The following SGK1 variants were observed in gnomAD, a reference collection of about 807,000 sequenced individuals.
SGK1 encodes the protein serum/glucocorticoid regulated kinase 1, also known as serine/threonine-protein kinase Sgk1.
In SGK1, 26 loss-of-function variants were observed where a neutral mutation model predicts 64.2. That is an observed-to-expected ratio of 0.40 (90% CI 0.30 to 0.56). SGK1 has a LOEUF of 0.56. Among genes scored for constraint, SGK1 ranks in the 20% least tolerant of loss-of-function variants. SGK1 has a pLI of 0.38. For synonymous variants in SGK1, 265 were observed against 239.7 expected, an observed-to-expected ratio of 1.11 and a Z score of -0.98; for missense variants, 519 against 645.6, an observed-to-expected ratio of 0.80 and a Z score of 2.12.
At chr6:134,179,455 T>C (rs892099486) in intron 3 of SGK1, among the ~76,000 whole-genome samples, 2 of 150,154 alleles carry the variant, frequency 1.3e-5, no homozygotes, top group African/African-American at 4.9e-5. Flanking sequence ...AGAAACTGAA[T>C]GGATCAGTTT....
intron 1 of SGK1, among the ~76,000 whole-genome samples, chr6:134,272,295 C>T (rs1312917102): frequency 7.8e-5 from 11 of 141,120 alleles, no homozygotes; most frequent in African/African-American, 2.5e-4. Context: ...TGTGCACCAC[C>T]ATGACCAGCT....
intron 3 of SGK1, among the ~76,000 whole-genome samples, chr6:134,178,690 C>A (rs897929310): frequency 6.6e-6 from 1 of 152,210 alleles, no homozygotes; most frequent in African/African-American, 2.4e-5. Context: ...GCTCCATATA[C>A]GCGTATACGC....
intron 3 of SGK1, among the ~76,000 whole-genome samples, chr6:134,194,201 G>A (rs138421773): frequency 4.0e-5 from 6 of 150,956 alleles, no homozygotes; most frequent in Non-Finnish European, 7.4e-5. Flanking sequence ...ATGTTATAAC[G>A]ACATGCTATA....
intron 2 of SGK1, among the ~76,000 whole-genome samples, chr6:134,246,804 G>A (rs1425636638): frequency 6.6e-6 from 1 of 152,036 alleles, no homozygotes; most frequent in Non-Finnish European, 1.5e-5. Context: ...TGTTGGCTAG[G>A]CTGGTCTCAA....
Position 134,244,593 on chromosome 6 carries a change from C to T in SGK1, c.285+17340G>A, listed in dbSNP as rs139712016. Among the ~76,000 whole-genome samples, 149 of 152,244 alleles carry T rather than the reference C, an allele frequency of 9.8e-4. 3 individuals carry two copies. The highest frequency in any genetic ancestry group is 3.2e-3 in the African/African-American group (135 of 41,552). On this transcript the variant is annotated intron_variant, in intron 2 of 13. Coordinates refer to ENST00000367858, the MANE Select transcript of SGK1 (RefSeq NM_001143676.3). ...AGTTCCCCGACCCCCTTGCACTTCCCGGGTAAGGCAACGCCCCCCACCTGC... is the reference window on the plus strand; with the variant it reads ...AGTTCCCCGACCCCCTTGCACTTCCTGGGTAAGGCAACGCCCCCCACCTGC...
At chr6:134,170,675 C>T (rs368976268) in intron 13 of SGK1, 151 bp downstream of exon 13, 31 of 717,774 alleles carry the variant, frequency 4.3e-5, no homozygotes, top group African/African-American at 2.8e-4. Context: ...CTTGTTGGGA[C>T]ACAAAAATGT....
chr6:134,296,357 C>G (rs1777346955), intron 1 of SGK1, among the ~76,000 whole-genome samples: 1 of 152,130 alleles, frequency 6.6e-6, no homozygotes, highest in African/African-American at 2.4e-5. Flanking sequence ...ACTGCAGCAT[C>G]CAACTTCTGG....
chr6:134,279,916 G>A (rs1365241246), intron 1 of SGK1, among the ~76,000 whole-genome samples: 1 of 152,066 alleles, frequency 6.6e-6, no homozygotes, highest in African/African-American at 2.4e-5. Context: ...AGCTGGGTGT[G>A]GTGGCTTATG....
intron 2 of SGK1, among the ~76,000 whole-genome samples, chr6:134,233,668 A>C (rs1776323149): frequency 6.6e-6 from 1 of 152,240 alleles, no homozygotes; most frequent in Non-Finnish European, 1.5e-5. Flanking sequence ...CAAAAAGAAA[A>C]AGAAGAAAAA....
At chr6:134,206,947 C>A (rs570159646) in intron 3 of SGK1, among the ~76,000 whole-genome samples, 1 of 150,286 alleles carries the variant, frequency 6.7e-6, no homozygotes, top group Non-Finnish European at 1.5e-5. Flanking sequence ...TAAACAAGGC[C>A]GGGCGCGGTG....
chr6:134,295,704 GA>G (rs375195964), intron 1 of SGK1, among the ~76,000 whole-genome samples: 274 of 112,398 alleles, frequency 2.4e-3, no homozygotes, highest in East Asian at 5.0e-3. Context: ...CTCCATCTCA[GA>G]AAAAAAAAAA....
chr6:134,285,844 G>A lies in SGK1; in HGVS notation c.70-23696C>T, dbSNP rs9402582. ...CAGTATTTTTTTTAAGGGATAAAAA[G>A]ATAAAATTTGCTGGGAAACAAATGT... On this transcript the variant is annotated intron_variant, in intron 1 of 13. Transcript: ENST00000367858. 2.9e-3 allele frequency among the ~76,000 whole-genome samples: 448 copies of A among 152,160 alleles called. 3 individuals carry two copies. Among genetic ancestry groups the A allele is most frequent in the African/African-American group, 8.3e-3 (345 of 41,520 alleles).
intron 2 of SGK1, among the ~76,000 whole-genome samples, chr6:134,250,304 G>T (rs557123648): frequency 6.6e-6 from 1 of 152,256 alleles, no homozygotes; most frequent in African/African-American, 2.4e-5. Flanking sequence ...ACTCAAGGTC[G>T]ATAAGAAAAG....
chr6:134,171,758 G>A (rs368754041), intron 10 of SGK1, 26 bp from the exon 11 acceptor site: 27 of 1,503,012 alleles, frequency 1.8e-5, no homozygotes, highest in Admixed American at 1.0e-4. Context: ...GGGAAACAGC[G>A]TTTAGAACCT....
intron 1 of SGK1, among the ~76,000 whole-genome samples, chr6:134,282,874 C>A (rs1777115752): frequency 6.6e-6 from 1 of 151,718 alleles, no homozygotes; most frequent in Admixed American, 6.6e-5. Context: ...TCATATATAT[C>A]ATCTAATGAT....
intron 1 of SGK1, among the ~76,000 whole-genome samples, chr6:134,276,735 CG>C (rs1562272247): frequency 6.6e-6 from 1 of 152,078 alleles, no homozygotes; most frequent in African/African-American, 2.4e-5. Flanking sequence ...TCTCCAAACC[CG>C]GGTAACACAG....
rs114379621 is a variant in SGK1 at position 134,306,484 on chromosome 6, A to T, written c.69+10908T>A. ...GCATGTTATGGAGGGACACAATCCA[A>T]GTTTCTGGGGAAGGGAGTTGGGGAG... On this transcript the variant is annotated intron_variant, in intron 1 of 13. Coordinates refer to ENST00000367858, the MANE Select transcript of SGK1 (RefSeq NM_001143676.3). 1.9e-3 allele frequency among the ~76,000 whole-genome samples: 289 copies of T among 152,238 alleles called. 2 individuals are homozygous for T. The highest frequency in any genetic ancestry group is 6.3e-3 in the African/African-American group (261 of 41,550).
At chr6:134,214,980 G>C (rs1156400042) in intron 2 of SGK1, 1 of 438,568 alleles carries the variant, frequency 2.3e-6, no homozygotes, top group Non-Finnish European at 4.5e-6. Flanking sequence ...AATCACTATT[G>C]TTTTGACATC....
At chr6:134,196,063 C>T (rs912610051) in intron 3 of SGK1, among the ~76,000 whole-genome samples, 1 of 152,012 alleles carries the variant, frequency 6.6e-6, no homozygotes, top group African/African-American at 2.4e-5. Flanking sequence ...TTATAAATAC[C>T]TTTACTGCAT....
Sources: gnomAD v4.1 joint callset for allele counts (sites outside exome capture counted in the v4.1 genomes callset) on GRCh38, gnomAD v4.1.1 for gene constraint, MANE v1.5 for transcripts, NCBI Gene and HGNC (gene_info 2026-07-23, HGNC 2026-07-21) for gene names.